The following SNX13 variants were observed in gnomAD, a reference collection of about 807,000 sequenced individuals.
SNX13 encodes sorting nexin-13.
In SNX13, 45 loss-of-function variants were observed where a neutral mutation model predicts 133.6. That is an observed-to-expected ratio of 0.34 (90% confidence interval 0.27 to 0.43). The LOEUF (loss-of-function observed/expected upper bound fraction) is 0.43, where lower values mean the gene tolerates loss of function less well. Ranked by LOEUF, SNX13 falls within the 20% of genes least tolerant of loss-of-function variation. The pLI, the probability that SNX13 is intolerant of heterozygous loss-of-function variation, is 1.00. For synonymous variants in SNX13, 414 were observed against 373.9 expected (o/e 1.11, Z -1.24); for missense variants, 1,032 against 1,145.1 (o/e 0.90, Z 1.43).
At chr7:17,870,075 T>C (rs2128347821) in intron 8 of SNX13, among the ~76,000 whole-genome samples, 1 of 152,276 alleles carries the variant, frequency 6.6e-6, no homozygotes, top group East Asian at 1.9e-4. Flanking sequence ...CTCAAGGTCC[T>C]AGTGAGAGCT....
chr7:17,861,654 G>A (rs555279815), intron 9 of SNX13, among the ~76,000 whole-genome samples: 1 of 152,242 alleles, frequency 6.6e-6, no homozygotes, highest in East Asian at 1.9e-4. Flanking sequence ...GTCTCAGATG[G>A]ACATGTGTAC....
At chr7:17,803,351 C>T (rs1479872837) in intron 21 of SNX13, 68 bp downstream of exon 21, 6 of 1,410,770 alleles carry the variant, frequency 4.3e-6, no homozygotes, top group Non-Finnish European at 4.8e-6. Context: ...TAAATCCAAC[C>T]AGAATTCAAT....
At chr7:17,893,865 G>C (rs1267826733) in intron 2 of SNX13, among the ~76,000 whole-genome samples, 1 of 150,928 alleles carries the variant, frequency 6.6e-6, no homozygotes, top group Non-Finnish European at 1.5e-5. Flanking sequence ...CCAGCTACTT[G>C]GGAGGCTGAG....
intron 13 of SNX13, 110 bp from the exon 14 acceptor site, chr7:17,834,975 A>C (rs746191857): frequency 1.0e-4 from 66 of 652,148 alleles, no homozygotes; most frequent in Non-Finnish European, 1.6e-4. Flanking sequence ...GGCAGGTAAG[A>C]ATCATTGGTT....
intron 1 of SNX13, among the ~76,000 whole-genome samples, chr7:17,932,159 T>C (rs1801454615): frequency 2.0e-5 from 3 of 152,224 alleles, no homozygotes; most frequent in Non-Finnish European, 4.4e-5. Flanking sequence ...AGTTTAGGAA[T>C]TAAACTTTAA....
intron 1 of SNX13, among the ~76,000 whole-genome samples, chr7:17,937,468 C>A (rs963595205): frequency 7.0e-6 from 1 of 142,714 alleles, no homozygotes; most frequent in Non-Finnish European, 1.5e-5. Context: ...GAGCCAAGAT[C>A]GCGCCACTGC....
chr7:17,913,760 C>CAAAAAAAAAAAAAAAAAAAAAAAAAAAA (rs71010278), intron 1 of SNX13, among the ~76,000 whole-genome samples: 5 of 54,080 alleles, frequency 9.2e-5, no homozygotes, highest in Non-Finnish European at 1.6e-4. Flanking sequence ...TTAACAAAAA[C>CAAAAAAAAAAAAAAAAAAAAAAAAAAAA]AAAAAAAAAA....
At chr7:17,881,289 G>C (rs1197995384) in intron 5 of SNX13, 10 of 150,666 alleles carry the variant, frequency 6.6e-5, no homozygotes, top group African/African-American at 2.4e-4. Context: ...TAGTATTTTA[G>C]AACTGAAAGG....
intron 20 of SNX13, among the ~76,000 whole-genome samples, chr7:17,814,381 C>T (rs903627956): frequency 4.0e-5 from 6 of 151,892 alleles, no homozygotes; most frequent in African/African-American, 7.3e-5. Flanking sequence ...TCTTACCTTA[C>T]GATTTTATTC....
chr7:17,827,119 G>C lies in SNX13; in HGVS notation c.1636-1028C>G, dbSNP rs139839145. On this transcript the variant is annotated intron_variant, in intron 16 of 25. Coordinates refer to ENST00000428135, the MANE Select transcript of SNX13 (RefSeq NM_015132.5). ...AAAACCTGTACATTTAGTCTCCAAT[G>C]AATTTTCCTGGTGGCAACATTTCAC... 2.7e-3 allele frequency among the ~76,000 whole-genome samples: 415 copies of C among 152,092 alleles called. 1 individual carries two copies. The highest frequency in any genetic ancestry group is 9.5e-3 in the African/African-American group (395 of 41,520).
chr7:17,821,539 G>T lies in SNX13; in HGVS notation c.1815C>A (p.Phe605Leu). ...MWKTYRRYSD[F>L]HDFHMRITEQ... ...CAGTGATTCTCATGTGGAAGTCATG[G>T]AAGTCACTATAACGACGATAGGTTT... The change falls in exon 18 of 26, where the codon TTC (phenylalanine) becomes TTA (leucine). Residue 605 changes from phenylalanine to leucine, a missense_variant. By Grantham distance (22) the Phe-to-Leu change is conservative. Coordinates refer to ENST00000428135, the MANE Select transcript of SNX13 (RefSeq NM_015132.5). 1 of 1,613,194 alleles carries T rather than the reference G, an allele frequency of 6.2e-7. No individual in the cohort carries two copies. Among genetic ancestry groups the T allele is most frequent in the Admixed American group, 1.7e-5 (1 of 59,886 alleles).
At position 17,875,764 on chromosome 7, in the gene SNX13, T is replaced by C. The variant is rs1379627736; in HGVS notation, c.467A>G (p.Tyr156Cys). Residue 156 changes from tyrosine (Y) to cysteine (C), a missense_variant, in exon 6 of 26, where the codon TAT becomes TGT. Tyr to Cys is a radical substitution (Grantham distance 194). Coordinates refer to ENST00000428135, the MANE Select transcript of SNX13 (RefSeq NM_015132.5). ...TRSKEIDWQP[Y>C]FTTRIVDDFG... ...GTCATCTACAATGCGTGTAGTAAAATAAGGTTGCCAGTCTATTTCTTTTGA... is the reference window on the plus strand; with the variant it reads ...GTCATCTACAATGCGTGTAGTAAAACAAGGTTGCCAGTCTATTTCTTTTGA... The C allele has an allele frequency of 6.2e-7, 1 of 1,607,488 alleles. No individual in the cohort carries two copies. The highest frequency in any genetic ancestry group is 1.7e-5 in the Admixed American group (1 of 59,424).
At chr7:17,913,760 C>CAAAAAAAAAAAAAAAAAAA (rs71010278) in intron 1 of SNX13, among the ~76,000 whole-genome samples, 18 of 54,090 alleles carry the variant, frequency 3.3e-4, no homozygotes, top group Admixed American at 6.1e-4. Flanking sequence ...TTAACAAAAA[C>CAAAAAAAAAAAAAAAAAAA]AAAAAAAAAA....
At chr7:17,868,579 T>C (rs1242599578) in intron 8 of SNX13, 89 bp from the exon 9 acceptor site, 1 of 995,504 alleles carries the variant, frequency 1.0e-6, no homozygotes, top group Non-Finnish European at 1.5e-6. Flanking sequence ...TGCTGTTACT[T>C]AAGAAAAGTA....
chr7:17,830,835 A>G (rs918653342), intron 15 of SNX13: 1 of 984,364 alleles, frequency 1.0e-6, no homozygotes, highest in African/African-American at 1.7e-5. Context: ...CGAGCACTTA[A>G]GAGGTTATAT....
intron 5 of SNX13, chr7:17,890,067 A>G (rs990528146): frequency 4.7e-5 from 10 of 212,292 alleles, no homozygotes; most frequent in Middle Eastern, 1.5e-3. Flanking sequence ...GGGAAGTAGC[A>G]ATAAGTGGGG....
chr7:17,810,479 C>T (rs1785881067), intron 20 of SNX13, among the ~76,000 whole-genome samples: 1 of 152,076 alleles, frequency 6.6e-6, no homozygotes, highest in South Asian at 2.1e-4. Context: ...AATTAATAGC[C>T]TACCAAAGAA....
intron 21 of SNX13, among the ~76,000 whole-genome samples, chr7:17,802,558 A>C (rs1368413092): frequency 6.6e-6 from 1 of 152,142 alleles, no homozygotes; most frequent in Non-Finnish European, 1.5e-5. Flanking sequence ...TGAGTAATGA[A>C]CAGCAGAAGT....
chr7:17,822,698 C>G (rs116869523), intron 17 of SNX13, among the ~76,000 whole-genome samples: 2,632 of 152,210 alleles, frequency 0.017, 35 homozygotes, highest in Non-Finnish European at 0.029. Flanking sequence ...TCATTTCCAG[C>G]TGGTTTTATT....
Sources: allele counts gnomAD v4.1 joint callset (sites outside exome capture counted in the v4.1 genomes callset), GRCh38; gene constraint gnomAD v4.1.1; transcripts MANE v1.5; gene names NCBI Gene and HGNC (gene_info 2026-07-23, HGNC 2026-07-21).